The following DCC variants were observed in gnomAD, a reference collection of about 807,000 sequenced individuals.
DCC encodes the protein DCC netrin 1 receptor.
In DCC, 58 loss-of-function variants were observed where a neutral mutation model predicts 172.5. The ratio of observed to expected loss-of-function variants is 0.34; its 90% CI spans 0.27 to 0.42. The LOEUF (loss-of-function observed/expected upper bound fraction) is 0.42. Ranked by LOEUF, DCC falls within the 10% of genes least tolerant of loss-of-function variation. The pLI is 1.00. For missense variants in DCC, 1,740 were observed against 1,791.0 expected (o/e 0.97, Z 0.51); for synonymous variants, 709 against 644.5 (o/e 1.10, Z -1.52).
intron 3 of DCC, among the ~76,000 whole-genome samples, chr18:52,923,092 T>C (rs2040149062): frequency 1.3e-5 from 2 of 152,098 alleles, no homozygotes. Context: ...GCAAACTCAC[T>C]CTTTGAAATG....
chr18:52,883,630 G>A (rs1187795987), intron 2 of DCC, among the ~76,000 whole-genome samples: 1 of 151,824 alleles, frequency 6.6e-6, no homozygotes, highest in Middle Eastern at 3.4e-3. Context: ...TTAATTTTTT[G>A]TTGTTTCTCT....
At chr18:52,602,258 T>C (rs952387534) in intron 1 of DCC, among the ~76,000 whole-genome samples, 1 of 152,074 alleles carries the variant, frequency 6.6e-6, no homozygotes, top group East Asian at 1.9e-4. Context: ...TAGAAAGCCT[T>C]GATTTGTTCA....
intron 5 of DCC, among the ~76,000 whole-genome samples, chr18:52,954,833 C>G (rs977854026): frequency 2.0e-5 from 3 of 152,138 alleles, no homozygotes; most frequent in Non-Finnish European, 2.9e-5. Flanking sequence ...TTCAATTTCT[C>G]TAAGTCATAA....
rs190635559 is a variant in DCC, at chr18:52,800,785, C to T, written c.412+48411C>T. Among the ~76,000 whole-genome samples, 421 of 152,128 alleles carry T rather than the reference C, an allele frequency of 2.8e-3. 4 individuals are homozygous for T. The highest frequency in any genetic ancestry group is 9.7e-3 in the African/African-American group (404 of 41,490). On this transcript the variant is annotated intron_variant, in intron 2 of 28. Coordinates refer to ENST00000442544, the MANE Select transcript of DCC (RefSeq NM_005215.4). ...AGCAAGAGAAGTTTTCTTTTTTCTC[C>T]CTGATGTATCAGTTATTGTTGCACA...
intron 1 of DCC, among the ~76,000 whole-genome samples, chr18:52,453,484 G>A (rs1465648585): frequency 6.6e-6 from 1 of 152,204 alleles, no homozygotes; most frequent in East Asian, 1.9e-4. Flanking sequence ...TTCATTAGTG[G>A]CTACCCATAA....
At position 52,654,079 on chromosome 18, in the gene DCC, T is replaced by C. The variant is rs574251425; in HGVS notation, c.92-97975T>C. ...CAAAAGCTAAGGGAACACCCTTATT[T>C]GGAAACCTTAAAAGTAGTACCAGGT... On this transcript the variant is annotated intron_variant, in intron 1 of 28. Transcript: ENST00000442544. Among the ~76,000 whole-genome samples, 9 of 152,354 alleles carry C rather than the reference T, an allele frequency of 5.9e-5. No homozygotes were observed. In the South Asian group the frequency reaches 1.2e-3, roughly 21 times the overall value.
intron 1 of DCC, among the ~76,000 whole-genome samples, chr18:52,592,139 AAAAGT>A (rs1392897868): frequency 1.3e-5 from 2 of 152,196 alleles, no homozygotes; most frequent in Admixed American, 6.6e-5. Flanking sequence ...CTACAGCGAC[AAAAGT>A]AAAGAGTTTG....
chr18:53,357,379 T>C (rs1477585907), intron 15 of DCC, among the ~76,000 whole-genome samples: 1 of 152,158 alleles, frequency 6.6e-6, no homozygotes, highest in Non-Finnish European at 1.5e-5. Flanking sequence ...TAAATTACAA[T>C]GTTAACTTCA....
intron 12 of DCC, among the ~76,000 whole-genome samples, chr18:53,245,808 A>G (rs1275742692): frequency 6.6e-6 from 1 of 152,114 alleles, no homozygotes; most frequent in East Asian, 1.9e-4. Flanking sequence ...CTTATTTTCT[A>G]TCTCTATGCA....
At chr18:53,090,724 AAAAAAAAAAAG>A (rs1476023347) in intron 7 of DCC, among the ~76,000 whole-genome samples, 2 of 136,868 alleles carry the variant, frequency 1.5e-5, no homozygotes, top group African/African-American at 2.6e-5. Context: ...AAAAAAAAAA[AAAAAAAAAAAG>A]AATGTATCGT....
chr18:52,679,197 T>C (rs1262809464), intron 1 of DCC, among the ~76,000 whole-genome samples: 4 of 152,076 alleles, frequency 2.6e-5, no homozygotes, highest in Admixed American at 6.6e-5. Flanking sequence ...TAAGTGGTGA[T>C]ATGAAGGAAT....
chr18:52,405,490 G>T (rs1428711387), intron 1 of DCC, among the ~76,000 whole-genome samples: 2 of 149,106 alleles, frequency 1.3e-5, no homozygotes, highest in African/African-American at 4.9e-5. Context: ...CATGTCCTTC[G>T]CCCACTTTTT....
intron 8 of DCC, among the ~76,000 whole-genome samples, chr18:53,168,685 G>A (rs1361527899): frequency 5.9e-5 from 9 of 151,978 alleles, no homozygotes; most frequent in African/African-American, 1.9e-4. Context: ...AAACCTACAC[G>A]TTCTGCACAT....
intron 5 of DCC, among the ~76,000 whole-genome samples, chr18:52,927,147 G>GTATATA (rs2040227229): frequency 3.3e-5 from 1 of 29,860 alleles, no homozygotes; most frequent in Non-Finnish European, 8.8e-5. Context: ...GTGTATATAT[G>GTATATA]TGTATATATA....
chr18:52,972,604 A>G (rs9962115), intron 5 of DCC, among the ~76,000 whole-genome samples: 22,912 of 151,090 alleles, frequency 0.15, 2,006 homozygotes, highest in East Asian at 0.33. Flanking sequence ...TATATCATAT[A>G]TTTACATATA....
At chr18:53,223,941 G>T (rs1310654291) in intron 12 of DCC, among the ~76,000 whole-genome samples, 5 of 152,068 alleles carry the variant, frequency 3.3e-5, no homozygotes, top group Admixed American at 3.3e-4. Flanking sequence ...AATGAAAGCA[G>T]AATTTCATTT....
At chr18:52,485,462 A>G (rs865889569) in intron 1 of DCC, among the ~76,000 whole-genome samples, 2 of 152,144 alleles carry the variant, frequency 1.3e-5, no homozygotes, top group African/African-American at 4.8e-5. Context: ...CAGCACTAAA[A>G]GAGTTATTTC....
chr18:52,627,393 G>A (rs2034594501), intron 1 of DCC, among the ~76,000 whole-genome samples: 1 of 152,166 alleles, frequency 6.6e-6, no homozygotes, highest in Non-Finnish European at 1.5e-5. Flanking sequence ...TGTTAGGGAT[G>A]TGGAGATTCA....
chr18:53,164,857 G>T (rs1055381392), intron 8 of DCC, among the ~76,000 whole-genome samples: 1 of 152,060 alleles, frequency 6.6e-6, no homozygotes, highest in Admixed American at 6.6e-5. Flanking sequence ...CTCAGATAAG[G>T]TATTTATGAT....
Sources: allele counts gnomAD v4.1 joint callset (sites outside exome capture counted in the v4.1 genomes callset), GRCh38; gene constraint gnomAD v4.1.1; transcripts MANE v1.5; gene names NCBI Gene and HGNC (gene_info 2026-07-23, HGNC 2026-07-21).